Variants in SLC17A6 observed in about 807,000 individuals in gnomAD.
The protein encoded by SLC17A6 is solute carrier family 17 member 6.
SLC17A6 carries 35 observed loss-of-function variants against 67.1 expected under a neutral mutation model. That is an observed-to-expected ratio of 0.52 (90% CI 0.40 to 0.69). The LOEUF is 0.69. Among genes scored for constraint, SLC17A6 ranks in the 30% least tolerant of loss-of-function variants. The pLI is 0.00. For missense variants in SLC17A6, 588 were observed against 723.9 expected (o/e 0.81, Z 2.15); for synonymous variants, 285 against 252.3 (o/e 1.13, Z -1.23).
intron 5 of SLC17A6, among the ~76,000 whole-genome samples, chr11:22,362,462 T>C (rs772938103): frequency 9.9e-5 from 15 of 152,176 alleles, no homozygotes; most frequent in Admixed American, 2.0e-4. Flanking sequence ...GCAGGACACA[T>C]GCCAATCAGC....
chr11:22,356,133 G>C (rs565003691), intron 3 of SLC17A6, among the ~76,000 whole-genome samples: 28 of 152,308 alleles, frequency 1.8e-4, no homozygotes, highest in African/African-American at 6.7e-4. Flanking sequence ...TTTATAAAAT[G>C]AGAGGAAAGT....
At chr11:22,366,771 G>A (rs779601937) in intron 7 of SLC17A6, among the ~76,000 whole-genome samples, 1 of 152,188 alleles carries the variant, frequency 6.6e-6, no homozygotes, top group East Asian at 1.9e-4. Context: ...TTGGGAGGCC[G>A]AGGCGGGTGG....
At position 22,357,390 on chromosome 11, in the gene SLC17A6, T is replaced by C. The variant is rs2133867757; in HGVS notation, c.459-2023T>C. On this transcript the variant is annotated intron_variant, in intron 3 of 11. Transcript: ENST00000263160. ...TAATTCATACTTGATTCAGCTTTACTAAGGGGGTGATTTTTCTTGCAGGGA... is the reference window on the plus strand; with the variant it reads ...TAATTCATACTTGATTCAGCTTTACCAAGGGGGTGATTTTTCTTGCAGGGA... Among the ~76,000 whole-genome samples, 3 of 152,302 alleles carry C rather than the reference T, an allele frequency of 2.0e-5. No homozygotes were observed. The Middle Eastern group carries it at 0.01, about 518-fold the overall frequency.
Position 22,341,782 on chromosome 11 carries a change from T to G in SLC17A6, c.339+2T>G. 1 of 1,613,152 alleles carries G rather than the reference T, an allele frequency of 6.2e-7. No homozygotes were observed. The highest frequency in any genetic ancestry group is 8.5e-7 in the Non-Finnish European group (1 of 1,179,296). On this transcript the variant is annotated splice_donor_variant, in intron 2 of 11. Transcript: ENST00000263160. LOFTEE classifies it high-confidence loss of function. ...CGCGGGGGCAAGGTCATCAAGGAGGTGGGCAACGTCTGGCCGCCCTGGCTC... is the reference window on the plus strand; with the variant it reads ...CGCGGGGGCAAGGTCATCAAGGAGGGGGGCAACGTCTGGCCGCCCTGGCTC...
In SLC17A6 at chr11:22,346,325, G is replaced by C. The variant is rs1590379555; in HGVS notation, c.458+2960G>C. Among the ~76,000 whole-genome samples the C allele has an allele frequency of 5.3e-5, 8 of 152,298 alleles. No individual in the cohort carries two copies. In the South Asian group the frequency reaches 1.7e-3, roughly 32 times the overall value. ...AAAGAGCAATTATTTGGCTTCTTCA[G>C]TTTATTGATTAAGCAAAGACAGCCC... On this transcript the variant is annotated intron_variant, in intron 3 of 11. Transcript: ENST00000263160.
intron 1 of SLC17A6, among the ~76,000 whole-genome samples, chr11:22,339,167 TATATATATATG>T (rs1445678219): frequency 0.11 from 6,233 of 58,422 alleles, 1,016 homozygotes; most frequent in South Asian, 0.18. Flanking sequence ...ATATATATGT[TATATATATATG>T]TTTTATATAT....
intron 1 of SLC17A6, 57 bp downstream of exon 1, chr11:22,338,676 C>A: frequency 7.8e-7 from 1 of 1,281,028 alleles, no homozygotes; most frequent in Non-Finnish European, 1.1e-6. Flanking sequence ...ATCTGCAGGG[C>A]CGTTTCCGTA....
intron 3 of SLC17A6, among the ~76,000 whole-genome samples, chr11:22,352,685 G>A (rs961384773): frequency 4.6e-5 from 7 of 152,184 alleles, no homozygotes; most frequent in African/African-American, 1.4e-4. Flanking sequence ...CATGAGTTAA[G>A]TCTTACAAAG....
At chr11:22,352,382 T>C (rs778540285) in intron 3 of SLC17A6, among the ~76,000 whole-genome samples, 1 of 152,220 alleles carries the variant, frequency 6.6e-6, no homozygotes, top group Non-Finnish European at 1.5e-5. Flanking sequence ...ATTGATAGGA[T>C]ACCCAGAACA....
chr11:22,343,427 A>C, intron 3 of SLC17A6, 62 bp downstream of exon 3: 3 of 1,416,264 alleles, frequency 2.1e-6, no homozygotes, highest in Non-Finnish European at 2.9e-6. Context: ...AAGGGGCAGC[A>C]GAAGCTGGAG....
In SLC17A6 at chr11:22,362,844, C is replaced by T; in HGVS notation, c.748+19C>T. On this transcript the variant is annotated intron_variant, in intron 6 of 11. Coordinates refer to ENST00000263160, the MANE Select transcript of SLC17A6 (RefSeq NM_020346.3). ...GTCTACGGTATGTTATATTTCTATG[C>T]AATAGAGTTAAAGGAAATGTGCATA... 1.3e-6 allele frequency: 2 copies of T among 1,587,472 alleles called. No individual in the cohort carries two copies. Among genetic ancestry groups the T allele is most frequent in the Non-Finnish European group, 8.6e-7 (1 of 1,156,092 alleles).
chr11:22,342,347 C>T lies in SLC17A6; in HGVS notation c.339+567C>T, dbSNP rs529353395. Among the ~76,000 whole-genome samples, 58 of 152,180 alleles carry T rather than the reference C, an allele frequency of 3.8e-4. 2 individuals carry two copies. The highest frequency in any genetic ancestry group is 3.2e-3 in the Admixed American group (49 of 15,286). On this transcript the variant is annotated intron_variant, in intron 2 of 11. Coordinates refer to ENST00000263160, the MANE Select transcript of SLC17A6 (RefSeq NM_020346.3). Reference sequence around the variant, plus strand: ...AGGGTCACGTCAAGGTCACAGAACCCCTGGGTCCAGACTTCCTTCTTAGAA... The same window carrying T: ...AGGGTCACGTCAAGGTCACAGAACCTCTGGGTCCAGACTTCCTTCTTAGAA...
chr11:22,353,221 A>T lies in SLC17A6; in HGVS notation c.459-6192A>T, dbSNP rs540173523. 1.5e-4 allele frequency among the ~76,000 whole-genome samples: 23 copies of T among 152,282 alleles called. No individual in the cohort carries two copies. In the East Asian group the frequency reaches 4.2e-3, roughly 28 times the overall value. ...ATTTAGTCTTCATGATACTTTTTTG[A>T]AGTATGGAAACATTTCCATTATACA... On this transcript the variant is annotated intron_variant, in intron 3 of 11. Coordinates refer to ENST00000263160, the MANE Select transcript of SLC17A6 (RefSeq NM_020346.3).
chr11:22,362,486 T>A (rs1004764644), intron 5 of SLC17A6, among the ~76,000 whole-genome samples: 19 of 152,304 alleles, frequency 1.2e-4, no homozygotes, highest in Admixed American at 3.3e-4. Context: ...CCAGTCAGCA[T>A]GTCTCCATTA....
At chr11:22,343,546 G>A (rs1317563321) in intron 3 of SLC17A6, among the ~76,000 whole-genome samples, 181 bp downstream of exon 3, 1 of 152,134 alleles carries the variant, frequency 6.6e-6, no homozygotes, top group East Asian at 1.9e-4. Flanking sequence ...TGAATTAGTC[G>A]CCTAAACGAA....
chr11:22,373,102 T>C (rs554255072), intron 8 of SLC17A6, among the ~76,000 whole-genome samples: 2 of 152,188 alleles, frequency 1.3e-5, no homozygotes, highest in Non-Finnish European at 2.9e-5. Context: ...TGTGAAAAAA[T>C]AACCATAGCT....
At chr11:22,372,385 C>A (rs767561081) in intron 8 of SLC17A6, among the ~76,000 whole-genome samples, 1 of 150,074 alleles carries the variant, frequency 6.7e-6, no homozygotes, top group Non-Finnish European at 1.5e-5. Flanking sequence ...TATATACACA[C>A]ATACACATAT....
chr11:22,374,582 T>C (rs1165795877), intron 8 of SLC17A6, among the ~76,000 whole-genome samples, 173 bp from the exon 9 acceptor site: 1 of 152,196 alleles, frequency 6.6e-6, no homozygotes, highest in East Asian at 1.9e-4. Context: ...TTTTCTAATT[T>C]ATTCTGTGGA....
chr11:22,374,969 A>G, intron 9 of SLC17A6, 82 bp downstream of exon 9: 2 of 1,311,236 alleles, frequency 1.5e-6, no homozygotes, highest in Non-Finnish European at 2.0e-6. Flanking sequence ...TTCTACACAT[A>G]TCAAATTACT....
Sources: allele counts gnomAD v4.1 joint callset (sites outside exome capture counted in the v4.1 genomes callset), GRCh38; gene constraint gnomAD v4.1.1; transcripts MANE v1.5; gene names NCBI Gene and HGNC (gene_info 2026-07-23, HGNC 2026-07-21).